The following NEGR1 variants were observed in gnomAD, a reference collection of about 807,000 sequenced individuals.
The protein encoded by NEGR1 is neuronal growth regulator 1.
A neutral mutation model predicts 40.9 loss-of-function variants in NEGR1; 10 were observed. The observed-to-expected ratio is 0.24, with a 90% CI of 0.15 to 0.42. The LOEUF (loss-of-function observed/expected upper bound fraction) is 0.42, where lower values mean the gene tolerates loss of function less well. Among genes scored for constraint, NEGR1 ranks in the 10% least tolerant of loss-of-function variants. The probability of loss-of-function intolerance (pLI) is 1.00; values close to 1 mark genes in which losing one functional copy is unlikely to be tolerated. For missense variants in NEGR1, 352 were observed against 438.9 expected (o/e 0.80, Z 1.77); for synonymous variants, 185 against 166.8 (o/e 1.11, Z -0.84).
At chr1:72,128,982 C>G (rs1259885556) in intron 1 of NEGR1, among the ~76,000 whole-genome samples, 1 of 152,066 alleles carries the variant, frequency 6.6e-6, no homozygotes, top group African/African-American at 2.4e-5. Flanking sequence ...CTTACACCAC[C>G]AAGTGCTCCA....
At chr1:72,243,033 A>C in intron 1 of NEGR1, among the ~76,000 whole-genome samples, 2 of 151,864 alleles carry the variant, frequency 1.3e-5, no homozygotes, top group South Asian at 4.2e-4. Context: ...AAAGTAAATA[A>C]AATCTGCTAT....
At chr1:72,010,571 C>T (rs535532690) in intron 1 of NEGR1, among the ~76,000 whole-genome samples, 346 of 152,092 alleles carry the variant, frequency 2.3e-3, no homozygotes, top group African/African-American at 7.7e-3. Context: ...TAAAGCATTG[C>T]AATATTCTCT....
intron 6 of NEGR1, among the ~76,000 whole-genome samples, chr1:71,447,857 T>G (rs1169379380): frequency 2.0e-5 from 3 of 152,260 alleles, no homozygotes; most frequent in African/African-American, 4.8e-5. Context: ...GTAAGTCCTC[T>G]TTCTTTTCAA....
intron 1 of NEGR1, among the ~76,000 whole-genome samples, chr1:72,271,795 T>G (rs1655853302): frequency 6.6e-6 from 1 of 151,864 alleles, no homozygotes; most frequent in Non-Finnish European, 1.5e-5. Context: ...GGGAAGTAAC[T>G]GAATCATGAG....
At chr1:71,968,712 C>A (rs1306735888) in intron 1 of NEGR1, among the ~76,000 whole-genome samples, 1 of 152,128 alleles carries the variant, frequency 6.6e-6, no homozygotes, top group East Asian at 1.9e-4. Flanking sequence ...TAACTCTGAT[C>A]TATTATTTTC....
chr1:71,399,830 G>C lies in NEGR1; in HGVS notation c.*7616C>G, dbSNP rs185875708. 6.6e-6 allele frequency: 1 copy of C among 152,290 alleles called. No individual in the cohort carries two copies. Among genetic ancestry groups the C allele is most frequent in the Admixed American group, 6.5e-5 (1 of 15,304 alleles). 9.4% of individuals were successfully genotyped at this position (152,290 alleles called of 1,614,324 possible). A position where few individuals can be genotyped will look rare whatever the true frequency, so the allele number is the denominator to read the frequency against. ...CAATCCACACTTATGAAACTACTTAGAAAACTATGGAAGAGTTCTGTGGCT... is the reference window on the plus strand; with the variant it reads ...CAATCCACACTTATGAAACTACTTACAAAACTATGGAAGAGTTCTGTGGCT... On this transcript the variant is annotated 3_prime_UTR_variant, in exon 7 of 7. Coordinates refer to ENST00000357731, the MANE Select transcript of NEGR1 (RefSeq NM_173808.3).
chr1:71,638,034 G>C (rs1332690639), intron 4 of NEGR1, among the ~76,000 whole-genome samples: 1 of 151,954 alleles, frequency 6.6e-6, no homozygotes, highest in Non-Finnish European at 1.5e-5. Context: ...AGAGGTTAAG[G>C]AATCTTCCCA....
At chr1:71,819,087 C>T (rs1658330517) in intron 2 of NEGR1, among the ~76,000 whole-genome samples, 2 of 151,894 alleles carry the variant, frequency 1.3e-5, no homozygotes, top group South Asian at 2.1e-4. Context: ...AAAGCTGAGG[C>T]ACAATTCTGA....
chr1:71,708,371 G>A (rs981939614), intron 3 of NEGR1, among the ~76,000 whole-genome samples: 1 of 151,880 alleles, frequency 6.6e-6, no homozygotes, highest in Non-Finnish European at 1.5e-5. Flanking sequence ...TTGGCATACT[G>A]AAAAATACAT....
chr1:71,988,728 G>C (rs6658032), intron 1 of NEGR1, among the ~76,000 whole-genome samples: 55,005 of 151,116 alleles, frequency 0.36, 10,624 homozygotes, highest in African/African-American at 0.47. Context: ...GGGACACACA[G>C]AAAACATGTC....
chr1:72,116,897 A>G (rs1300331089), intron 1 of NEGR1, among the ~76,000 whole-genome samples: 1 of 151,812 alleles, frequency 6.6e-6, no homozygotes, highest in Non-Finnish European at 1.5e-5. Context: ...TAACAAGAAT[A>G]TTAATTGAAA....
intron 5 of NEGR1, among the ~76,000 whole-genome samples, chr1:71,605,068 A>T (rs1201220076): frequency 1.3e-5 from 2 of 152,156 alleles, no homozygotes; most frequent in African/African-American, 4.8e-5. Flanking sequence ...ATATTAGAGG[A>T]ATAGGAAAGA....
intron 3 of NEGR1, among the ~76,000 whole-genome samples, chr1:71,756,401 C>CAAAA (rs1557640456): frequency 1.9e-5 from 1 of 53,114 alleles, no homozygotes; most frequent in Non-Finnish European, 4.1e-5. Flanking sequence ...AAACAAAAAA[C>CAAAA]AAAAACAAAC....
At chr1:71,539,509 G>A (rs1254235927) in intron 6 of NEGR1, among the ~76,000 whole-genome samples, 2 of 151,658 alleles carry the variant, frequency 1.3e-5, no homozygotes, top group East Asian at 3.9e-4. Context: ...GAAGTTTTTT[G>A]TCCCTACATG....
At position 72,274,061 on chromosome 1, in the gene NEGR1, T is replaced by C. The variant is rs566005788; in HGVS notation, c.176+8258A>G. ...GCAGTATAGAAATCATTTGGAGCCA[T>C]TTTGAGACAGAAGTAGAGGCTCTGT... On this transcript the variant is annotated intron_variant, in intron 1 of 6. Coordinates refer to ENST00000357731, the MANE Select transcript of NEGR1 (RefSeq NM_173808.3). 2.9e-4 allele frequency among the ~76,000 whole-genome samples: 44 copies of C among 151,784 alleles called. No homozygotes were observed. The South Asian group carries it at 9.2e-3, about 32-fold the overall frequency.
At chr1:71,686,099 A>T (rs1653027686) in intron 4 of NEGR1, among the ~76,000 whole-genome samples, 1 of 152,060 alleles carries the variant, frequency 6.6e-6, no homozygotes, top group Non-Finnish European at 1.5e-5. Context: ...TATACTTCAT[A>T]TAGGAGGAAA....
intron 2 of NEGR1, among the ~76,000 whole-genome samples, chr1:71,858,500 G>A (rs1659849502): frequency 6.6e-6 from 1 of 151,970 alleles, no homozygotes; most frequent in African/African-American, 2.4e-5. Context: ...TAGTGATGGA[G>A]AGTCCTATAT....
chr1:71,878,253 A>AT (rs1411610802), intron 2 of NEGR1, among the ~76,000 whole-genome samples: 1 of 152,014 alleles, frequency 6.6e-6, no homozygotes, highest in East Asian at 1.9e-4. Flanking sequence ...CTCTCATGTA[A>AT]TTTTTTAGAA....
intron 1 of NEGR1, among the ~76,000 whole-genome samples, chr1:72,250,532 G>T (rs1259259787): frequency 6.6e-6 from 1 of 152,044 alleles, no homozygotes; most frequent in Non-Finnish European, 1.5e-5. Context: ...GAATTTAAAA[G>T]AAATATGAAA....
Sources: gnomAD v4.1 joint callset for allele counts (sites outside exome capture counted in the v4.1 genomes callset) on GRCh38, gnomAD v4.1.1 for gene constraint, MANE v1.5 for transcripts, NCBI Gene and HGNC (gene_info 2026-07-23, HGNC 2026-07-21) for gene names.